Variants in GALNT14 observed in about 807,000 individuals in gnomAD.
The protein encoded by GALNT14 is polypeptide N-acetylgalactosaminyltransferase 14.
Under a neutral mutation model 77.5 loss-of-function variants are expected in GALNT14, and 60 were observed. That is an observed-to-expected ratio of 0.77 (90% CI 0.63 to 0.96). GALNT14 has a LOEUF of 0.96. Among genes scored for constraint, GALNT14 ranks in the 40% least tolerant of loss-of-function variants. The pLI is 0.00. For missense variants in GALNT14, 710 were observed against 731.0 expected, an observed-to-expected ratio of 0.97 and a Z score of 0.33; for synonymous variants, 280 against 281.7, an observed-to-expected ratio of 0.99 and a Z score of 0.06.
intron 3 of GALNT14, 22 bp downstream of exon 3, chr2:30,966,182 C>A: frequency 6.2e-7 from 1 of 1,605,782 alleles, no homozygotes; most frequent in South Asian, 1.1e-5. Flanking sequence ...AGCTGGCCAA[C>A]AGACAAGCAA....
Position 31,114,668 on chromosome 2 carries a change from C to T in GALNT14, c.129+23290G>A, listed in dbSNP as rs912628401. On this transcript the variant is annotated intron_variant, in intron 1 of 14. Transcript: ENST00000349752. ...CTCTAAAAACCCAGCTTGTGAATAACAATAATCCCAGAAGGGGAAAAAGGA... is the reference window on the plus strand; with the variant it reads ...CTCTAAAAACCCAGCTTGTGAATAATAATAATCCCAGAAGGGGAAAAAGGA... The T allele has an allele frequency of 1.3e-5, 9 of 680,224 alleles. No individual in the cohort carries two copies. In the African/African-American group the frequency reaches 1.4e-4, roughly 11 times the overall value. The allele number at this position is 680,224 out of a possible 1,614,324, so 42.1% of individuals were successfully genotyped here.
At chr2:31,119,628 A>G (rs1196082131) in intron 1 of GALNT14, among the ~76,000 whole-genome samples, 1 of 152,264 alleles carries the variant, frequency 6.6e-6, no homozygotes. Context: ...TTACAAAGCA[A>G]TCTTAAAATA....
chr2:30,944,824 T>C, intron 8 of GALNT14, 34 bp downstream of exon 8: 1 of 1,507,364 alleles, frequency 6.6e-7, no homozygotes. Flanking sequence ...GTGGTGATGG[T>C]CTGCCCACCC....
chr2:31,100,280 AAACCAG>A (rs1475514568), intron 1 of GALNT14, among the ~76,000 whole-genome samples: 1 of 152,020 alleles, frequency 6.6e-6, no homozygotes, highest in Non-Finnish European at 1.5e-5. Flanking sequence ...GATGAGAAAA[AAACCAG>A]TTTTGTTACA....
rs1009832067 is a variant in GALNT14, at chr2:30,933,568, C to A, written c.932-1374G>T. On this transcript the variant is annotated intron_variant, in intron 9 of 14. Transcript: ENST00000349752. ...CTTCTTTCACACTAGCCCTACTCCA[C>A]CACCTTCTCTGCACCTGCCCCTCTG... 2.6e-5 allele frequency among the ~76,000 whole-genome samples: 4 copies of A among 152,206 alleles called. No individual in the cohort carries two copies. In the South Asian group the frequency reaches 8.3e-4, roughly 32 times the overall value.
intron 1 of GALNT14, among the ~76,000 whole-genome samples, chr2:31,005,613 A>G (rs117962005): frequency 6.6e-5 from 10 of 152,212 alleles, no homozygotes; most frequent in Admixed American, 1.3e-4. Context: ...CGCAATTTAC[A>G]GTCAGTCAAT....
At chr2:30,932,283 G>T in intron 9 of GALNT14, 89 bp from the exon 10 acceptor site, 1 of 1,262,218 alleles carries the variant, frequency 7.9e-7, no homozygotes, top group Non-Finnish European at 1.0e-6. Flanking sequence ...TGAGGCCCCC[G>T]CAGAGGCGAA....
At position 30,932,265 on chromosome 2, in the gene GALNT14, T is replaced by C. The variant is rs1665782843; in HGVS notation, c.932-71A>G. The C allele has an allele frequency of 6.7e-6, 9 of 1,351,034 alleles. No individual in the cohort carries two copies. In the Admixed American group the frequency reaches 2.0e-4, roughly 31 times the overall value. 83.7% of individuals were successfully genotyped at this position (1,351,034 alleles called of 1,614,324 possible). A position where few individuals can be genotyped will look rare whatever the true frequency, so the allele number is the denominator to read the frequency against. ...TGCAGCTTTGAGGCCCCAGGTCTAA[T>C]GAAACGGTGAGGCCCCCGCAGAGGC... is the stretch of plus-strand genomic sequence containing the variant. On this transcript the variant is annotated intron_variant, in intron 9 of 14. Transcript: ENST00000349752.
In GALNT14 at chr2:31,076,696, T is replaced by C. The variant is rs1005735197; in HGVS notation, c.129+61262A>G. On this transcript the variant is annotated intron_variant, in intron 1 of 14. Transcript: ENST00000349752. Reference sequence around the variant, plus strand: ...AAGAAACTCAATCCATTTGAAAAAATTGGAAACTATGAATAATGCAATAAT... The same window carrying C: ...AAGAAACTCAATCCATTTGAAAAAACTGGAAACTATGAATAATGCAATAAT... Among the ~76,000 whole-genome samples the C allele has an allele frequency of 5.3e-5, 8 of 150,956 alleles. No individual in the cohort carries two copies. In the East Asian group the frequency reaches 1.4e-3, roughly 26 times the overall value.
chr2:31,022,810 G>T (rs1294955030), intron 1 of GALNT14, among the ~76,000 whole-genome samples: 1 of 152,216 alleles, frequency 6.6e-6, no homozygotes, highest in African/African-American at 2.4e-5. Context: ...ATGAACAGAG[G>T]TTCTCTGTAG....
chr2:30,911,611 T>C (rs116706522), intron 14 of GALNT14, among the ~76,000 whole-genome samples: 4,386 of 152,228 alleles, frequency 0.029, 212 homozygotes, highest in African/African-American at 0.099. Context: ...CAAGAGACAG[T>C]CACAGCTGCC....
intron 1 of GALNT14, among the ~76,000 whole-genome samples, chr2:31,020,955 C>T (rs1234848475): frequency 1.3e-5 from 2 of 152,226 alleles, no homozygotes; most frequent in Non-Finnish European, 2.9e-5. Flanking sequence ...TGTGGCCAGC[C>T]CCTTCTCCAG....
chr2:31,078,069 T>C (rs563870245), intron 1 of GALNT14, among the ~76,000 whole-genome samples: 2 of 152,250 alleles, frequency 1.3e-5, no homozygotes, highest in East Asian at 1.9e-4. Context: ...GAGGTGAAAA[T>C]GCAGGACAAA....
intron 1 of GALNT14, among the ~76,000 whole-genome samples, chr2:31,037,805 C>CTG (rs1029931621): frequency 4.6e-5 from 7 of 151,664 alleles, no homozygotes; most frequent in African/African-American, 1.7e-4. Flanking sequence ...CTGAGAGGCT[C>CTG]TGTGTGTGTG....
Position 31,088,093 on chromosome 2 carries a change from C to T in GALNT14, c.129+49865G>A, listed in dbSNP as rs111423136. ...ATACATTTCTGTTGTTGATAATCCA[C>T]CCAGTCTATGGTATTCTGTTATAGC... On this transcript the variant is annotated intron_variant, in intron 1 of 14. Coordinates refer to ENST00000349752, the MANE Select transcript of GALNT14 (RefSeq NM_024572.4). 7.4e-3 allele frequency among the ~76,000 whole-genome samples: 1,120 copies of T among 152,276 alleles called. 21 individuals are homozygous for T. Among genetic ancestry groups the T allele is most frequent in the African/African-American group, 0.026 (1,079 of 41,538 alleles).
At position 31,048,126 on chromosome 2, in the gene GALNT14, C is replaced by T. The variant is rs200182387; in HGVS notation, c.130-55119G>A. ...CACTCTGAGTGAAAAGGGCCAGACC[C>T]GAAGGCCATGAAACCATTTGCCCTG... On this transcript the variant is annotated intron_variant, in intron 1 of 14. Coordinates refer to ENST00000349752, the MANE Select transcript of GALNT14 (RefSeq NM_024572.4). Among the ~76,000 whole-genome samples, 365 of 152,342 alleles carry T rather than the reference C, an allele frequency of 2.4e-3. 1 individual carries two copies. The highest frequency in any genetic ancestry group is 8.3e-3 in the African/African-American group (345 of 41,572).
intron 2 of GALNT14, among the ~76,000 whole-genome samples, chr2:30,988,533 A>G (rs1669462248): frequency 6.6e-6 from 1 of 152,152 alleles, no homozygotes; most frequent in Admixed American, 6.5e-5. Context: ...AGAGCCCGAG[A>G]CAGAAGTCAT....
intron 1 of GALNT14, among the ~76,000 whole-genome samples, chr2:31,129,994 G>GT (rs1678898375): frequency 6.6e-6 from 1 of 152,222 alleles, no homozygotes; most frequent in Non-Finnish European, 1.5e-5. Context: ...CGGGGTGGTT[G>GT]TTCTCTTCAT....
chr2:30,972,818 C>G (rs1036815434), intron 2 of GALNT14, among the ~76,000 whole-genome samples: 7 of 152,182 alleles, frequency 4.6e-5, no homozygotes, highest in African/African-American at 1.7e-4. Context: ...GAGGGACTGG[C>G]TGCTGCTCCT....
Sources: gnomAD v4.1 joint callset for allele counts (sites outside exome capture counted in the v4.1 genomes callset) on GRCh38, gnomAD v4.1.1 for gene constraint, MANE v1.5 for transcripts, NCBI Gene and HGNC (gene_info 2026-07-23, HGNC 2026-07-21) for gene names.